The following ST6GALNAC3 variants were observed in gnomAD, a reference collection of about 807,000 sequenced individuals.
The protein encoded by ST6GALNAC3 is alpha-N-acetylgalactosaminide alpha-2,6-sialyltransferase 3.
In ST6GALNAC3, 25 loss-of-function variants were observed where a neutral mutation model predicts 32.7. That is an observed-to-expected ratio of 0.76 (90% CI 0.56 to 1.07). The LOEUF is 1.07. Ranked by LOEUF, ST6GALNAC3 falls within the 50% of genes least tolerant of loss-of-function variation. The pLI is 0.00. For synonymous variants in ST6GALNAC3, 129 were observed against 133.1 expected, an observed-to-expected ratio of 0.97 and a Z score of 0.21; for missense variants, 355 against 382.4, an observed-to-expected ratio of 0.93 and a Z score of 0.60.
chr1:76,412,338 A>T lies in ST6GALNAC3; in HGVS notation c.544A>T (p.Asn182Tyr). The T allele has an allele frequency of 6.2e-7, 1 of 1,613,424 alleles. No individual in the cohort carries two copies. ...GAAAAAGACAGTTGGTATCTATCCG[A>T]ATGCCCAAATATACGTGACCACAGA... ...MLKKTVGIYP[N>Y]AQIYVTTEKR... Residue 182 changes from asparagine to tyrosine, a missense_variant, in exon 3 of 5, where the codon AAT (asparagine) becomes TAT (tyrosine). By Grantham distance (143) the Asn-to-Tyr change is moderately radical. Transcript: ENST00000328299.
At chr1:76,421,716 T>C (rs1553194804) in intron 3 of ST6GALNAC3, among the ~76,000 whole-genome samples, 2 of 151,896 alleles carry the variant, frequency 1.3e-5, no homozygotes, top group Non-Finnish European at 2.9e-5. Flanking sequence ...ATGATGAACA[T>C]AAAGAAAAGA....
chr1:76,568,192 C>T (rs1214857888), intron 3 of ST6GALNAC3, among the ~76,000 whole-genome samples: 2 of 152,122 alleles, frequency 1.3e-5, no homozygotes, highest in Non-Finnish European at 2.9e-5. Flanking sequence ...GGTACTATTA[C>T]ACCCTATTTG....
rs530924209 is a variant in ST6GALNAC3, at chr1:76,501,686, C to T, written c.623+89269C>T. The stretch of plus-strand genomic sequence containing the variant: ...AATAAGGACACCTCAAAAGGAAGAA[C>T]GAGGAACAAAGCTTCAGAAGCTTCA... On this transcript the variant is annotated intron_variant, in intron 3 of 4. Coordinates refer to ENST00000328299, the MANE Select transcript of ST6GALNAC3 (RefSeq NM_152996.4). Among the ~76,000 whole-genome samples, 12 of 152,218 alleles carry T rather than the reference C, an allele frequency of 7.9e-5. No homozygotes were observed. The South Asian group carries it at 1.9e-3, about 24-fold the overall frequency.
chr1:76,130,040 G>A (rs1649510371), intron 1 of ST6GALNAC3, among the ~76,000 whole-genome samples: 2 of 152,158 alleles, frequency 1.3e-5, no homozygotes, highest in Non-Finnish European at 1.5e-5. Flanking sequence ...GTTCATTAAG[G>A]CACCCAGCGT....
chr1:76,090,409 A>T (rs1647028019), intron 1 of ST6GALNAC3, among the ~76,000 whole-genome samples: 1 of 152,238 alleles, frequency 6.6e-6, no homozygotes, highest in African/African-American at 2.4e-5. Context: ...TTAACTTCAG[A>T]CTAACTGGCC....
chr1:76,341,682 C>CCTTCT (rs1557804005), intron 2 of ST6GALNAC3, among the ~76,000 whole-genome samples: 92 of 35,998 alleles, frequency 2.6e-3, no homozygotes, highest in African/African-American at 4.6e-3. Context: ...TCTTTCTTTC[C>CCTTCT]TTCTTTCTTT....
intron 1 of ST6GALNAC3, among the ~76,000 whole-genome samples, chr1:76,155,623 A>G (rs1273765771): frequency 6.8e-6 from 1 of 147,074 alleles, no homozygotes; most frequent in Non-Finnish European, 1.5e-5. Context: ...GCCCGCCACT[A>G]CGCCTGGCTA....
chr1:76,440,674 T>C (rs1656512866), intron 3 of ST6GALNAC3, among the ~76,000 whole-genome samples: 1 of 152,220 alleles, frequency 6.6e-6, no homozygotes, highest in Non-Finnish European at 1.5e-5. Flanking sequence ...TATGACTCAC[T>C]ATTTAAAGCA....
chr1:76,097,827 C>T (rs747821708), intron 1 of ST6GALNAC3, among the ~76,000 whole-genome samples: 17 of 152,082 alleles, frequency 1.1e-4, no homozygotes, highest in Non-Finnish European at 1.8e-4. Context: ...TCTTGGGGCA[C>T]ATGTGCATGC....
At chr1:76,251,823 C>T (rs901581184) in intron 1 of ST6GALNAC3, among the ~76,000 whole-genome samples, 72 of 152,054 alleles carry the variant, frequency 4.7e-4, no homozygotes, top group African/African-American at 1.7e-3. Flanking sequence ...ATCTATAAAC[C>T]GTTCTGCTCC....
chr1:76,381,520 T>A (rs759718555), intron 2 of ST6GALNAC3, among the ~76,000 whole-genome samples: 35 of 152,226 alleles, frequency 2.3e-4, no homozygotes, highest in Middle Eastern at 3.4e-3. Context: ...ACAGACCTTG[T>A]AGTCATGAAG....
chr1:76,258,312 C>T (rs1658032516), intron 1 of ST6GALNAC3, among the ~76,000 whole-genome samples: 1 of 152,136 alleles, frequency 6.6e-6, no homozygotes, highest in South Asian at 2.1e-4. Flanking sequence ...TGACATAATT[C>T]AGTTTCTAAC....
At chr1:76,475,386 T>C (rs1659285933) in intron 3 of ST6GALNAC3, among the ~76,000 whole-genome samples, 1 of 152,178 alleles carries the variant, frequency 6.6e-6, no homozygotes, top group Non-Finnish European at 1.5e-5. Flanking sequence ...ATACTGGGGT[T>C]GTTTTGAAGA....
intron 3 of ST6GALNAC3, among the ~76,000 whole-genome samples, chr1:76,459,563 C>CAAA (rs34570106): frequency 7.9e-6 from 1 of 125,992 alleles, no homozygotes; most frequent in African/African-American, 2.9e-5. Flanking sequence ...GACTCCATCT[C>CAAA]AAAAAAAAAA....
At chr1:76,174,666 T>TC (rs1174524998) in intron 1 of ST6GALNAC3, among the ~76,000 whole-genome samples, 2 of 150,662 alleles carry the variant, frequency 1.3e-5, no homozygotes, top group East Asian at 3.9e-4. Flanking sequence ...TTCTTTTCTT[T>TC]TTTTTTTTTC....
chr1:76,539,247 C>G (rs1457911383), intron 3 of ST6GALNAC3, among the ~76,000 whole-genome samples: 1 of 152,056 alleles, frequency 6.6e-6, no homozygotes, highest in Non-Finnish European at 1.5e-5. Flanking sequence ...ACAAACCTGA[C>G]AAAAACAAGC....
intron 1 of ST6GALNAC3, among the ~76,000 whole-genome samples, chr1:76,222,668 A>G (rs1570485983): frequency 8.6e-6 from 1 of 115,710 alleles, no homozygotes; most frequent in Non-Finnish European, 2.0e-5. Flanking sequence ...TAATAATAAA[A>G]AAACAAAAAC....
At chr1:76,214,373 T>G (rs2100583641) in intron 1 of ST6GALNAC3, among the ~76,000 whole-genome samples, 1 of 152,256 alleles carries the variant, frequency 6.6e-6, no homozygotes, top group Middle Eastern at 3.4e-3. Context: ...AATTTCTTAC[T>G]TCTCATATAC....
chr1:76,440,995 G>A (rs1483277749), intron 3 of ST6GALNAC3, among the ~76,000 whole-genome samples: 1 of 149,508 alleles, frequency 6.7e-6, no homozygotes, highest in Admixed American at 6.8e-5. Context: ...GGCTGAAGCA[G>A]GAGAATCACT....
Sources: allele counts gnomAD v4.1 joint callset (sites outside exome capture counted in the v4.1 genomes callset), GRCh38; gene constraint gnomAD v4.1.1; transcripts MANE v1.5; gene names NCBI Gene and HGNC (gene_info 2026-07-23, HGNC 2026-07-21).